Variants in TDRD3 observed in about 807,000 individuals in gnomAD.
TDRD3 encodes tudor domain containing 3.
In TDRD3, 45 loss-of-function variants were observed where a neutral mutation model predicts 86.7. The ratio of observed to expected loss-of-function variants is 0.52; its 90% CI spans 0.41 to 0.67. The LOEUF (loss-of-function observed/expected upper bound fraction) is 0.67, where lower values mean the gene tolerates loss of function less well. TDRD3 is among the 30% of genes least tolerant of loss of function. TDRD3 has a pLI of 0.00. For synonymous variants in TDRD3, 298 were observed against 301.7 expected (o/e 0.99, Z 0.13); for missense variants, 814 against 889.0 (o/e 0.92, Z 1.07).
chr13:60,474,784 T>TCC (rs1263170994), intron 5 of TDRD3, among the ~76,000 whole-genome samples: 2 of 152,218 alleles, frequency 1.3e-5, no homozygotes, highest in Non-Finnish European at 2.9e-5. Flanking sequence ...ACCATTTCCG[T>TCC]CCCTCTCTCT....
In TDRD3 at chr13:60,523,951, C is replaced by T. The variant is rs545751495; in HGVS notation, c.1142-4416C>T. On this transcript the variant is annotated intron_variant, in intron 10 of 13. Coordinates refer to ENST00000377881, the MANE Select transcript of TDRD3 (RefSeq NM_001146070.2). ...ATTTAATATTAAATGTTACCCATTT[C>T]TACTTGTGCTTTTTTTTTTCCACCT... is the stretch of plus-strand genomic sequence containing the variant. Among the ~76,000 whole-genome samples, 8 of 151,808 alleles carry T rather than the reference C, an allele frequency of 5.3e-5. No homozygotes were observed. In the South Asian group the frequency reaches 1.7e-3, roughly 32 times the overall value.
In TDRD3 at chr13:60,529,032, A is replaced by G. The variant is rs754905286; in HGVS notation, c.1807A>G (p.Ile603Val). The G allele has an allele frequency of 1.9e-6, 3 of 1,613,960 alleles. No individual in the cohort carries two copies. Among genetic ancestry groups the G allele is most frequent in the African/African-American group, 2.7e-5 (2 of 74,934 alleles). ...ACTGAAAGGAAGACGAATAGGACCT[A>G]TTAAGCCAGCAGGACCTGTCACAGC... ...MPLKGRRIGPIKPAGPVTAVP... is the reference protein window; with the variant it reads ...MPLKGRRIGPVKPAGPVTAVP... Residue 603 changes from isoleucine to valine, a missense_variant, in exon 11 of 14, where the codon ATT (isoleucine) becomes GTT (valine). By Grantham distance (29) the Ile-to-Val change is conservative. Transcript: ENST00000377881.
rs113166630 is a variant in TDRD3, at chr13:60,534,982, C to T, written c.1993-126C>T. 7.4e-4 allele frequency: 754 copies of T among 1,017,390 alleles called. 7 individuals carry two copies. In the African/African-American group the frequency reaches 0.011, roughly 15 times the overall value. The allele number at this position is 1,017,390 out of a possible 1,614,324, so 63.0% of individuals were successfully genotyped here. A position where few individuals can be genotyped will look rare whatever the true frequency, so the allele number is the denominator to read the frequency against. ...TTACTAATGTGACTCAAAAGGGTTC[C>T]AAAGGTAAGTTTCCTTCTAAAGAAT... On this transcript the variant is annotated intron_variant, in intron 11 of 13. Transcript: ENST00000377881.
intron 1 of TDRD3, among the ~76,000 whole-genome samples, chr13:60,430,447 A>G (rs1954925717): frequency 6.6e-6 from 1 of 152,204 alleles, no homozygotes; most frequent in Non-Finnish European, 1.5e-5. Context: ...GGACAGAAAT[A>G]TTAAGTAATC....
chr13:60,533,797 GGAT>G lies in TDRD3; in HGVS notation c.1993-1307_1993-1305del, dbSNP rs1419766109. 2.0e-5 allele frequency among the ~76,000 whole-genome samples: 3 copies of G among 152,168 alleles called. No individual in the cohort carries two copies. The East Asian group carries it at 5.8e-4, about 29-fold the overall frequency. ...AGACCTACAATTTCTGTCCTGAATGGGATGATCTGTACTGAAAGATTGTTCCAA... is the reference window on the plus strand; with the variant it reads ...AGACCTACAATTTCTGTCCTGAATGGGATCTGTACTGAAAGATTGTTCCAA... On this transcript the variant is annotated intron_variant, in intron 11 of 13. Coordinates refer to ENST00000377881, the MANE Select transcript of TDRD3 (RefSeq NM_001146070.2).
At chr13:60,445,195 A>G (rs905670635) in intron 3 of TDRD3, among the ~76,000 whole-genome samples, 1 of 152,180 alleles carries the variant, frequency 6.6e-6, no homozygotes, top group East Asian at 1.9e-4. Flanking sequence ...TATTGCAATC[A>G]TTTTGCAGTA....
chr13:60,432,004 T>C (rs1484208323), intron 1 of TDRD3, among the ~76,000 whole-genome samples: 1 of 152,024 alleles, frequency 6.6e-6, no homozygotes, highest in Non-Finnish European at 1.5e-5. Context: ...ATACAGATTG[T>C]GGTATTCAAT....
intron 8 of TDRD3, among the ~76,000 whole-genome samples, chr13:60,499,525 G>C (rs1346725078): frequency 3.9e-5 from 6 of 152,210 alleles, no homozygotes; most frequent in African/African-American, 1.4e-4. Flanking sequence ...TATTCAGAGA[G>C]AACTTGATCA....
At chr13:60,521,838 G>A (rs1310445068) in intron 10 of TDRD3, among the ~76,000 whole-genome samples, 3 of 151,940 alleles carry the variant, frequency 2.0e-5, no homozygotes, top group South Asian at 2.1e-4. Flanking sequence ...TGGAGGTTGC[G>A]GTGAGCCGAG....
intron 7 of TDRD3, among the ~76,000 whole-genome samples, chr13:60,489,768 C>T (rs1335966880): frequency 6.6e-6 from 1 of 152,060 alleles, no homozygotes; most frequent in African/African-American, 2.4e-5. Flanking sequence ...TAAATTAATA[C>T]ATTTTATATA....
intron 8 of TDRD3, 133 bp downstream of exon 8, chr13:60,494,708 A>G: frequency 1.4e-6 from 1 of 712,842 alleles, no homozygotes; most frequent in Non-Finnish European, 2.0e-6. Context: ...GGCTTTCATT[A>G]AGGATTACAA....
intron 10 of TDRD3, among the ~76,000 whole-genome samples, chr13:60,527,249 G>C (rs1957462269): frequency 6.6e-6 from 1 of 152,156 alleles, no homozygotes; most frequent in South Asian, 2.1e-4. Context: ...GCCTCCAGTG[G>C]CTGTTTGGAA....
At chr13:60,499,875 T>A (rs1398069232) in intron 8 of TDRD3, among the ~76,000 whole-genome samples, 1 of 152,208 alleles carries the variant, frequency 6.6e-6, no homozygotes. Context: ...ATTTATCAAG[T>A]GACCCAAAAG....
chr13:60,403,187 A>C (rs1458588523), intron 1 of TDRD3, among the ~76,000 whole-genome samples: 2 of 150,588 alleles, frequency 1.3e-5, no homozygotes, highest in Non-Finnish European at 2.9e-5. Context: ...AACTGCCTGT[A>C]GACTTGACTG....
intron 1 of TDRD3, among the ~76,000 whole-genome samples, chr13:60,397,848 A>G (rs1026076852): frequency 2.0e-5 from 3 of 152,064 alleles, no homozygotes; most frequent in Non-Finnish European, 4.4e-5. Flanking sequence ...ACGCGGCCGG[A>G]GCCCGCGGGC....
chr13:60,568,117 C>T (rs1398036827), intron 13 of TDRD3, among the ~76,000 whole-genome samples: 1 of 152,122 alleles, frequency 6.6e-6, no homozygotes, highest in Non-Finnish European at 1.5e-5. Context: ...TGTGATATGT[C>T]TTTATCTTCC....
In TDRD3 at chr13:60,509,638, A is replaced by AT. The variant is rs1957015058; in HGVS notation, c.859-123dup. 61 of 1,194,566 alleles carry AT rather than the reference A, an allele frequency of 5.1e-5. No individual in the cohort carries two copies. In the South Asian group the frequency reaches 8.6e-4, roughly 17 times the overall value. The allele number at this position is 1,194,566 out of a possible 1,614,324, so 74.0% of individuals were successfully genotyped here. The stretch of plus-strand genomic sequence containing the variant: ...TAAAAAATCAGCAAGAGAATGTTGT[A>AT]TTAGAATGACATTTTTACATAAGTA... On this transcript the variant is annotated intron_variant, in intron 8 of 13. Coordinates refer to ENST00000377881, the MANE Select transcript of TDRD3 (RefSeq NM_001146070.2).
At chr13:60,399,118 A>AT (rs1954025872) in intron 1 of TDRD3, among the ~76,000 whole-genome samples, 1 of 151,764 alleles carries the variant, frequency 6.6e-6, no homozygotes, top group Admixed American at 6.6e-5. Flanking sequence ...AGTGAGTCTT[A>AT]TTTTTCTCCT....
intron 12 of TDRD3, among the ~76,000 whole-genome samples, chr13:60,542,392 T>C (rs1418154445): frequency 6.6e-6 from 1 of 152,156 alleles, no homozygotes; most frequent in African/African-American, 2.4e-5. Context: ...TTGACACTCA[T>C]GTCAATATAT....
Sources: gnomAD v4.1 joint callset for allele counts (sites outside exome capture counted in the v4.1 genomes callset) on GRCh38, gnomAD v4.1.1 for gene constraint, MANE v1.5 for transcripts, NCBI Gene and HGNC (gene_info 2026-07-23, HGNC 2026-07-21) for gene names.